CDK14: variants seen among roughly 807,000 people sequenced by gnomAD.
CDK14 encodes the protein cyclin dependent kinase 14.
In CDK14, 34 loss-of-function variants were observed where a neutral mutation model predicts 60.7. That is an observed-to-expected ratio of 0.56 (90% CI 0.43 to 0.75). The LOEUF (loss-of-function observed/expected upper bound fraction) is 0.75, where lower values mean the gene tolerates loss of function less well. Among genes scored for constraint, CDK14 ranks in the 30% least tolerant of loss-of-function variants. The pLI is 0.00. For synonymous variants in CDK14, 197 were observed against 203.7 expected (o/e 0.97, Z 0.28); for missense variants, 482 against 564.1 (o/e 0.85, Z 1.47).
chr7:91,086,138 A>T (rs760097841), intron 12 of CDK14, among the ~76,000 whole-genome samples: 42 of 152,312 alleles, frequency 2.8e-4, no homozygotes, highest in African/African-American at 8.7e-4. Flanking sequence ...TACACTAAAG[A>T]GTCATTGCAT....
chr7:91,040,139 C>T (rs942434217), intron 10 of CDK14, among the ~76,000 whole-genome samples: 2 of 152,154 alleles, frequency 1.3e-5, no homozygotes, highest in African/African-American at 4.8e-5. Flanking sequence ...GATCCTGAAA[C>T]CTTTCTCCTC....
At chr7:90,603,994 C>A (rs1799369059) in intron 1 of CDK14, among the ~76,000 whole-genome samples, 1 of 152,180 alleles carries the variant, frequency 6.6e-6, no homozygotes, top group African/African-American at 2.4e-5. Flanking sequence ...GAGGATAGTT[C>A]TATTTGCATA....
At chr7:91,027,181 A>G (rs1429226409) in intron 10 of CDK14, among the ~76,000 whole-genome samples, 1 of 152,218 alleles carries the variant, frequency 6.6e-6, no homozygotes, top group African/African-American at 2.4e-5. Flanking sequence ...CAAATATATG[A>G]CTGATGTAGA....
At chr7:90,669,824 G>A (rs1801061997) in intron 2 of CDK14, among the ~76,000 whole-genome samples, 1 of 152,162 alleles carries the variant, frequency 6.6e-6, no homozygotes, top group Admixed American at 6.5e-5. Flanking sequence ...CTAAAAGTGA[G>A]ACAGACAGAC....
intron 1 of CDK14, chr7:90,597,370 T>C (rs1004609777): frequency 3.3e-5 from 5 of 152,252 alleles, no homozygotes; most frequent in Admixed American, 3.3e-4. Context: ...GGCTGTTGTC[T>C]TTAAACCAAA....
At chr7:91,111,796 T>C (rs1192683408) in intron 12 of CDK14, among the ~76,000 whole-genome samples, 1 of 152,184 alleles carries the variant, frequency 6.6e-6, no homozygotes, top group Non-Finnish European at 1.5e-5. Flanking sequence ...GCTTGATTGC[T>C]CTGAGTAGAG....
In CDK14 at chr7:90,769,470, C is replaced by CTTTTT. The variant is rs10647062; in HGVS notation, c.465-21100_465-21099insTTTTT. ...GACTTCTGTGATTTCTTTCTCTTTTCTTTCTTTTTTTTTTTGACTGAGCCC... is the reference window on the plus strand; with the variant it reads ...GACTTCTGTGATTTCTTTCTCTTTTCTTTTTTTTCTTTTTTTTTTTGACTGAGCCC... On this transcript the variant is annotated intron_variant, in intron 4 of 14. Transcript: ENST00000380050. Among the ~76,000 whole-genome samples the CTTTTT allele has an allele frequency of 2.8e-5, 4 of 144,176 alleles. 1 individual carries two copies. The highest frequency in any genetic ancestry group is 4.5e-5 in the Non-Finnish European group (3 of 66,240). The allele number at this position is 144,176 out of a possible 152,430, so 94.6% of individuals were successfully genotyped here.
chr7:90,782,317 C>T (rs1029922185), intron 4 of CDK14, among the ~76,000 whole-genome samples: 7 of 152,062 alleles, frequency 4.6e-5, no homozygotes, highest in African/African-American at 1.7e-4. Flanking sequence ...AGATTTTGGG[C>T]TGAGACAATG....
intron 2 of CDK14, among the ~76,000 whole-genome samples, chr7:90,637,236 A>G (rs28765975): frequency 0.11 from 16,011 of 150,396 alleles, 1,033 homozygotes; most frequent in Middle Eastern, 0.16. Flanking sequence ...TAGGGTGTCA[A>G]TTTTGGATCT....
intron 4 of CDK14, among the ~76,000 whole-genome samples, chr7:90,763,493 A>G (rs1804411398): frequency 6.6e-6 from 1 of 152,184 alleles, no homozygotes. Flanking sequence ...TTTGGTTTTT[A>G]TTCTAGGCTG....
chr7:91,065,240 A>G (rs968520672), intron 11 of CDK14, among the ~76,000 whole-genome samples: 1 of 152,180 alleles, frequency 6.6e-6, no homozygotes, highest in South Asian at 2.1e-4. Context: ...AGGTAGCTCT[A>G]CTGGGTGGCA....
At chr7:90,961,368 A>G (rs1794599655) in intron 9 of CDK14, among the ~76,000 whole-genome samples, 1 of 152,170 alleles carries the variant, frequency 6.6e-6, no homozygotes, top group Non-Finnish European at 1.5e-5. Context: ...TTTAAAAAAA[A>G]TAAACCAAGG....
At chr7:90,900,060 A>C (rs890883785) in intron 7 of CDK14, among the ~76,000 whole-genome samples, 3 of 152,178 alleles carry the variant, frequency 2.0e-5, no homozygotes, top group African/African-American at 7.2e-5. Context: ...AAACTTATTC[A>C]TCTCAATTTC....
At chr7:90,784,775 C>A (rs777477271) in intron 4 of CDK14, among the ~76,000 whole-genome samples, 1 of 152,004 alleles carries the variant, frequency 6.6e-6, no homozygotes, top group South Asian at 2.1e-4. Context: ...TTATTCACAC[C>A]TGAATCAGAA....
In CDK14 at chr7:90,937,417, C is replaced by A. The variant is rs951576492; in HGVS notation, c.827-18280C>A. ...GAATTTGGTAAATGTAGTGTGAAAA[C>A]CACCTCCACAATCAAGTTTTGTAGA... is the stretch of plus-strand genomic sequence containing the variant. On this transcript the variant is annotated intron_variant, in intron 8 of 14. Coordinates refer to ENST00000380050, the MANE Select transcript of CDK14 (RefSeq NM_001287135.2). 7.2e-5 allele frequency among the ~76,000 whole-genome samples: 11 copies of A among 152,244 alleles called. No individual in the cohort carries two copies. The South Asian group carries it at 1.0e-3, about 14-fold the overall frequency.
At chr7:90,710,127 G>A (rs889929088) in intron 2 of CDK14, 21 of 983,246 alleles carry the variant, frequency 2.1e-5, no homozygotes, top group Middle Eastern at 5.2e-4. Context: ...TGATAAAGGG[G>A]GTATTTAAAT....
At chr7:90,855,464 A>G (rs1790790279) in intron 5 of CDK14, among the ~76,000 whole-genome samples, 1 of 152,184 alleles carries the variant, frequency 6.6e-6, no homozygotes, top group African/African-American at 2.4e-5. Context: ...TATAAAAGCA[A>G]TATATCTTTA....
intron 2 of CDK14, among the ~76,000 whole-genome samples, chr7:90,649,158 A>G (rs1482957522): frequency 6.6e-6 from 1 of 152,174 alleles, no homozygotes. Context: ...ACTGAAATGC[A>G]GTAGGGAGAG....
At chr7:90,704,294 A>G (rs1049788108) in intron 2 of CDK14, among the ~76,000 whole-genome samples, 6 of 152,202 alleles carry the variant, frequency 3.9e-5, no homozygotes, top group African/African-American at 1.4e-4. Context: ...AACTTAGATG[A>G]AGTTCATAAC....
Sources: allele counts gnomAD v4.1 joint callset (sites outside exome capture counted in the v4.1 genomes callset), GRCh38; gene constraint gnomAD v4.1.1; transcripts MANE v1.5; gene names NCBI Gene and HGNC (gene_info 2026-07-23, HGNC 2026-07-21).